Variants in FOXO3 observed in about 807,000 individuals in gnomAD.
FOXO3 encodes the protein forkhead box O3.
In FOXO3, 4 loss-of-function variants were observed where a neutral mutation model predicts 41.9. The observed-to-expected ratio is 0.10, with a 90% CI of 0.05 to 0.22. The LOEUF is 0.22. Among genes scored for constraint, FOXO3 ranks in the 10% least tolerant of loss-of-function variants. The pLI, the probability that FOXO3 is intolerant of heterozygous loss-of-function variation, is 1.00. For synonymous variants in FOXO3, 318 were observed against 389.3 expected (o/e 0.82, Z 2.16); for missense variants, 534 against 906.8 (o/e 0.59, Z 5.28).
intron 1 of FOXO3, among the ~76,000 whole-genome samples, chr6:108,571,676 TC>T (rs1250443388): frequency 6.6e-6 from 1 of 152,110 alleles, no homozygotes; most frequent in Non-Finnish European, 1.5e-5. Flanking sequence ...CAAGAAAAGA[TC>T]CTCCCCTAGA....
chr6:108,623,095 G>T (rs1158534742), intron 1 of FOXO3, among the ~76,000 whole-genome samples: 1 of 152,040 alleles, frequency 6.6e-6, no homozygotes, highest in Non-Finnish European at 1.5e-5. Flanking sequence ...CATATCATGG[G>T]GCTACAGCAT....
intron 1 of FOXO3, among the ~76,000 whole-genome samples, chr6:108,643,943 T>C (rs1365669288): frequency 2.0e-5 from 3 of 152,184 alleles, no homozygotes; most frequent in Admixed American, 2.0e-4. Context: ...CCCAAGATAG[T>C]AAGTATTTTT....
intron 2 of FOXO3, among the ~76,000 whole-genome samples, chr6:108,673,716 G>A (rs1055812169): frequency 2.6e-5 from 4 of 152,026 alleles, no homozygotes; most frequent in African/African-American, 9.7e-5. Flanking sequence ...AGGGATCTAG[G>A]GCATCCCAGC....
chr6:108,666,368 C>T (rs1779061065), intron 2 of FOXO3, among the ~76,000 whole-genome samples: 1 of 151,326 alleles, frequency 6.6e-6, no homozygotes, highest in Admixed American at 6.6e-5. Context: ...TGGAGTCTTG[C>T]TCTGTCTCCC....
chr6:108,637,116 G>A (rs1484920872), intron 1 of FOXO3, among the ~76,000 whole-genome samples: 2 of 152,094 alleles, frequency 1.3e-5, no homozygotes, highest in African/African-American at 4.8e-5. Context: ...GAGGTTTTCC[G>A]CAGCTGTGAA....
At position 108,595,600 on chromosome 6, in the gene FOXO3, C is replaced by T. The variant is rs140347329; in HGVS notation, c.621+33771C>T. On this transcript the variant is annotated intron_variant, in intron 1 of 2. Transcript: ENST00000406360. ...GAAGTGTATGTTTCTGGAAGGAAGG[C>T]GATTTGTTAATACAAATCCTAAAGA... Among the ~76,000 whole-genome samples, 62 of 152,138 alleles carry T rather than the reference C, an allele frequency of 4.1e-4. 1 individual carries two copies. The East Asian group carries it at 6.9e-3, about 17-fold the overall frequency.
chr6:108,663,346 C>G, intron 1 of FOXO3, 109 bp from the exon 2 acceptor site: 1 of 1,464,280 alleles, frequency 6.8e-7, no homozygotes, highest in Admixed American at 2.6e-5. Context: ...GACCTTGTCT[C>G]AAAAAAATAA....
chr6:108,581,047 T>G (rs1331691455), intron 1 of FOXO3, among the ~76,000 whole-genome samples: 1 of 152,240 alleles, frequency 6.6e-6, no homozygotes, highest in Non-Finnish European at 1.5e-5. Flanking sequence ...TAGTCATTGC[T>G]TTCTCTCCCT....
chr6:108,574,184 G>GC (rs1776197315), intron 1 of FOXO3, among the ~76,000 whole-genome samples: 1 of 151,406 alleles, frequency 6.6e-6, no homozygotes, highest in African/African-American at 2.4e-5. Flanking sequence ...AAGAATTAGC[G>GC]CGTACCTGGG....
At chr6:108,584,826 A>C (rs991800659) in intron 1 of FOXO3, among the ~76,000 whole-genome samples, 1 of 152,070 alleles carries the variant, frequency 6.6e-6, no homozygotes, top group African/African-American at 2.4e-5. Context: ...GCCTTTCCTA[A>C]GGAGCTCTGA....
intron 1 of FOXO3, among the ~76,000 whole-genome samples, chr6:108,598,599 AT>A (rs1776957780): frequency 1.3e-5 from 2 of 152,162 alleles, no homozygotes; most frequent in African/African-American, 4.8e-5. Flanking sequence ...CAGAAACAAA[AT>A]TTTAAAAGGT....
At chr6:108,574,172 A>AC (rs1491138892) in intron 1 of FOXO3, among the ~76,000 whole-genome samples, 1 of 150,808 alleles carries the variant, frequency 6.6e-6, no homozygotes, top group African/African-American at 2.4e-5. Flanking sequence ...AAAAAAAAAA[A>AC]GAAGAATTAG....
chr6:108,644,125 C>G (rs1778334037), intron 1 of FOXO3, among the ~76,000 whole-genome samples: 3 of 152,184 alleles, frequency 2.0e-5, no homozygotes, highest in South Asian at 2.1e-4. Flanking sequence ...CCCTCTCCCT[C>G]TCTGAGGCCC....
intron 1 of FOXO3, among the ~76,000 whole-genome samples, chr6:108,640,196 C>T (rs547243943): frequency 2.6e-5 from 4 of 152,248 alleles, no homozygotes; most frequent in African/African-American, 4.8e-5. Context: ...AGAGAAATTC[C>T]TTTCATTGGA....
intron 1 of FOXO3, among the ~76,000 whole-genome samples, chr6:108,587,856 A>G (rs2043877805): frequency 6.6e-6 from 1 of 152,236 alleles, no homozygotes; most frequent in African/African-American, 2.4e-5. Context: ...ACACACATAA[A>G]TATTTTTATA....
intron 1 of FOXO3, among the ~76,000 whole-genome samples, chr6:108,588,691 G>A (rs1017221708): frequency 1.3e-5 from 2 of 152,166 alleles, no homozygotes; most frequent in South Asian, 4.1e-4. Context: ...GCAGTGCCTC[G>A]CTGACTGGGA....
At position 108,680,834 on chromosome 6, in the gene FOXO3, A is replaced by G. The variant is rs1770822186; in HGVS notation, c.*1042A>G. 1.3e-5 allele frequency: 2 copies of G among 152,304 alleles called. No individual in the cohort carries two copies. Among genetic ancestry groups the G allele is most frequent in the South Asian group, 2.1e-4 (1 of 4,824 alleles). The allele number at this position is 152,304 out of a possible 1,614,324, so 9.4% of individuals were successfully genotyped here. ...GTGAGCATTAAGCTTGCAGTGAGAA[A>G]TGTGCGAAGAGTAAAAACCCAAGTC... On this transcript the variant is annotated 3_prime_UTR_variant, in exon 3 of 3. Transcript: ENST00000406360.
intron 1 of FOXO3, among the ~76,000 whole-genome samples, chr6:108,663,040 A>C (rs570543821): frequency 6.6e-6 from 1 of 152,260 alleles, no homozygotes; most frequent in East Asian, 1.9e-4. Context: ...TTGAATTAGG[A>C]TGGATTTTTT....
At chr6:108,629,245 A>C (rs1385516728) in intron 1 of FOXO3, among the ~76,000 whole-genome samples, 1 of 152,144 alleles carries the variant, frequency 6.6e-6, no homozygotes, top group East Asian at 1.9e-4. Context: ...TTCTTAAGAG[A>C]GATGGAAATT....
Sources: allele counts gnomAD v4.1 joint callset (sites outside exome capture counted in the v4.1 genomes callset), GRCh38; gene constraint gnomAD v4.1.1; transcripts MANE v1.5; gene names NCBI Gene and HGNC (gene_info 2026-07-23, HGNC 2026-07-21).